CLDN10: variants seen among roughly 807,000 people sequenced by gnomAD.
The protein encoded by CLDN10 is claudin-10.
In CLDN10, 15 loss-of-function variants were observed where a neutral mutation model predicts 22.9. That is an observed-to-expected ratio of 0.65 (90% confidence interval 0.44 to 1.01). CLDN10 has a LOEUF of 1.01. Ranked by LOEUF, CLDN10 falls within the 50% of genes least tolerant of loss-of-function variation. CLDN10 has a pLI of 0.00. For synonymous variants in CLDN10, 114 were observed against 111.4 expected, an observed-to-expected ratio of 1.02 and a Z score of -0.15; for missense variants, 247 against 287.8, an observed-to-expected ratio of 0.86 and a Z score of 1.03.
At chr13:95,495,759 G>A (rs57448570) in intron 1 of CLDN10, among the ~76,000 whole-genome samples, 44,851 of 122,916 alleles carry the variant, frequency 0.36, 8,800 homozygotes, top group Non-Finnish European at 0.45. Context: ...AAAAAAAAAA[G>A]AAAAGAAAGA....
At chr13:95,512,833 T>C (rs2138565235) in intron 1 of CLDN10, among the ~76,000 whole-genome samples, 1 of 152,344 alleles carries the variant, frequency 6.6e-6, no homozygotes, top group East Asian at 1.9e-4. Context: ...GTTTTGACTT[T>C]TGTTTTCACC....
At chr13:95,471,164 G>A (rs1040970745) in intron 1 of CLDN10, among the ~76,000 whole-genome samples, 1 of 152,028 alleles carries the variant, frequency 6.6e-6, no homozygotes, top group African/African-American at 2.4e-5. Flanking sequence ...TCCAGGCAGG[G>A]GAAAGACAGA....
At chr13:95,548,204 G>A (rs2043529687), upstream of CLDN10, among the ~76,000 whole-genome samples, 1 of 152,164 alleles carries the variant, frequency 6.6e-6, no homozygotes, top group Non-Finnish European at 1.5e-5. Flanking sequence ...TACAAGCCCT[G>A]GAATGTTCTA....
At chr13:95,574,206 A>T (rs919295952) in intron 3 of CLDN10, among the ~76,000 whole-genome samples, 2 of 152,150 alleles carry the variant, frequency 1.3e-5, no homozygotes, top group Non-Finnish European at 2.9e-5. Context: ...TTTTTGCCAG[A>T]TACACACGGA....
At chr13:95,528,657 C>T (rs921367962) in intron 1 of CLDN10, 11 of 152,168 alleles carry the variant, frequency 7.2e-5, no homozygotes, top group Admixed American at 5.2e-4. Flanking sequence ...CAAGATGATT[C>T]CTTCTCCTGA....
chr13:95,456,683 G>C (rs2042484985), intron 1 of CLDN10, among the ~76,000 whole-genome samples: 1 of 152,164 alleles, frequency 6.6e-6, no homozygotes, highest in Admixed American at 6.5e-5. Context: ...CTTGAGCCTA[G>C]GAATTCAAGG....
intron 1 of CLDN10, among the ~76,000 whole-genome samples, chr13:95,471,597 C>T (rs146748432): frequency 0.011 from 1,734 of 151,252 alleles, 25 homozygotes; most frequent in African/African-American, 0.04. Context: ...GGATTACAGT[C>T]GCTCACCACC....
chr13:95,502,974 C>CT (rs1479841712), intron 1 of CLDN10, among the ~76,000 whole-genome samples: 1 of 152,178 alleles, frequency 6.6e-6, no homozygotes, highest in African/African-American at 2.4e-5. Context: ...AGGAGTAAAA[C>CT]TTAAAGTCTC....
rs75352537 is a variant in CLDN10 at position 95,554,289 on chromosome 13, T to C, written c.220+1316T>C. On this transcript the variant is annotated intron_variant, in intron 1 of 4. Coordinates refer to ENST00000299339, the MANE Select transcript of CLDN10 (RefSeq NM_006984.5). ...ATTCTCTTGTTCCTGTGATTTATAG[T>C]CAGCAATGTGTTACTGTCCTCTGAA... 1.2e-4 allele frequency among the ~76,000 whole-genome samples: 18 copies of C among 152,322 alleles called. 1 individual carries two copies. The East Asian group carries it at 3.5e-3, about 29-fold the overall frequency.
At chr13:95,515,016 A>T (rs2043148923) in intron 1 of CLDN10, among the ~76,000 whole-genome samples, 1 of 152,156 alleles carries the variant, frequency 6.6e-6, no homozygotes, top group Non-Finnish European at 1.5e-5. Flanking sequence ...TCATTATTAG[A>T]TGGGGTCTTG....
intron 1 of CLDN10, among the ~76,000 whole-genome samples, chr13:95,558,548 A>ATTAAGTAG (rs879720514): frequency 1.6e-4 from 25 of 152,228 alleles, no homozygotes; most frequent in Admixed American, 7.2e-4. Flanking sequence ...AGTGTTTACA[A>ATTAAGTAG]TTAAGTAGAG....
intron 1 of CLDN10, among the ~76,000 whole-genome samples, chr13:95,558,397 T>A (rs990650008): frequency 6.6e-6 from 1 of 152,234 alleles, no homozygotes; most frequent in East Asian, 1.9e-4. Flanking sequence ...GAAGCCTTCA[T>A]TATCCTGTTT....
intron 1 of CLDN10, among the ~76,000 whole-genome samples, chr13:95,439,699 C>T (rs940955188): frequency 6.6e-6 from 1 of 152,046 alleles, no homozygotes; most frequent in Non-Finnish European, 1.5e-5. Flanking sequence ...GACCTAATCA[C>T]CTCCCAAAGG....
rs180882686 is a variant in CLDN10, at chr13:95,484,305, C to T, written c.214+50258C>T. 6.8e-4 allele frequency among the ~76,000 whole-genome samples: 104 copies of T among 152,262 alleles called. 1 individual carries two copies. Among genetic ancestry groups the T allele is most frequent in the African/African-American group, 2.4e-3 (99 of 41,544 alleles). On this transcript the variant is annotated intron_variant, in intron 1 of 4. Transcript: ENST00000376873. The stretch of plus-strand genomic sequence containing the variant: ...ACTGTCCTTTCTGGGCAGCATATCA[C>T]AGTATCCACTGCACACCACTCGGCT...
At chr13:95,488,853 A>C (rs1447294807) in intron 1 of CLDN10, among the ~76,000 whole-genome samples, 1 of 152,044 alleles carries the variant, frequency 6.6e-6, no homozygotes, top group Non-Finnish European at 1.5e-5. Flanking sequence ...TGCATATGCA[A>C]GTATCTTTTT....
intron 1 of CLDN10, among the ~76,000 whole-genome samples, chr13:95,513,576 GC>G (rs1302557785): frequency 1.1e-4 from 2 of 17,792 alleles, no homozygotes; most frequent in Non-Finnish European, 3.7e-4. Context: ...GTAAAATAGA[GC>G]ATTTTCCCCT....
At chr13:95,494,329 G>A (rs1220141801) in intron 1 of CLDN10, among the ~76,000 whole-genome samples, 4 of 152,184 alleles carry the variant, frequency 2.6e-5, no homozygotes. Flanking sequence ...ATTTACACAA[G>A]AGGAAACATC....
chr13:95,515,021 G>T (rs758859883), intron 1 of CLDN10, among the ~76,000 whole-genome samples: 8 of 152,256 alleles, frequency 5.3e-5, no homozygotes, highest in Non-Finnish European at 1.0e-4. Context: ...ATTAGATGGG[G>T]TCTTGCTATG....
At chr13:95,440,000 G>A (rs940909936) in intron 1 of CLDN10, among the ~76,000 whole-genome samples, 2 of 150,454 alleles carry the variant, frequency 1.3e-5, no homozygotes, top group African/African-American at 2.4e-5. Context: ...CACAACCTCC[G>A]CCTCCCAGGT....
Sources: gnomAD v4.1 joint callset for allele counts (sites outside exome capture counted in the v4.1 genomes callset) on GRCh38, gnomAD v4.1.1 for gene constraint, MANE v1.5 for transcripts, NCBI Gene and HGNC (gene_info 2026-07-23, HGNC 2026-07-21) for gene names.